GLG1: variants seen among roughly 807,000 people sequenced by gnomAD.
GLG1 encodes golgi glycoprotein 1, also known as Golgi apparatus protein 1.
A neutral mutation model predicts 160.5 loss-of-function variants in GLG1; 38 were observed. The ratio of observed to expected loss-of-function variants is 0.24; its 90% CI spans 0.18 to 0.31. The LOEUF (loss-of-function observed/expected upper bound fraction) is 0.31. Among genes scored for constraint, GLG1 ranks in the 10% least tolerant of loss-of-function variants. GLG1 has a pLI of 1.00. For missense variants in GLG1, 1,373 were observed against 1,505.2 expected (o/e 0.91, Z 1.45); for synonymous variants, 644 against 543.4 (o/e 1.19, Z -2.57).
chr16:74,520,180 AG>A (rs1468961060), intron 2 of GLG1, among the ~76,000 whole-genome samples: 2 of 152,148 alleles, frequency 1.3e-5, no homozygotes, highest in Non-Finnish European at 2.9e-5. Flanking sequence ...TGTTTCCATC[AG>A]GGACTGGCTA....
At chr16:74,537,363 A>C (rs2017714028) in intron 1 of GLG1, among the ~76,000 whole-genome samples, 1 of 152,166 alleles carries the variant, frequency 6.6e-6, no homozygotes, top group Non-Finnish European at 1.5e-5. Context: ...GTTAAAAAAC[A>C]AAACAAAAAA....
chr16:74,599,171 A>G (rs1255022463), intron 1 of GLG1, among the ~76,000 whole-genome samples: 2 of 152,094 alleles, frequency 1.3e-5, no homozygotes, highest in Non-Finnish European at 1.5e-5. Context: ...ATCTGCTGTA[A>G]TATTTTTATC....
At chr16:74,542,716 G>GGAAGGGAGGGAGGGA (rs752290157) in intron 1 of GLG1, among the ~76,000 whole-genome samples, 1 of 29,782 alleles carries the variant, frequency 3.4e-5, no homozygotes, top group African/African-American at 1.3e-4. Flanking sequence ...AAGGGAAGAA[G>GGAAGGGAGGGAGGGA]GGAAGGAAGG....
intron 2 of GLG1, among the ~76,000 whole-genome samples, 183 bp downstream of exon 2, chr16:74,531,938 C>A (rs1277330570): frequency 1.3e-5 from 2 of 152,088 alleles, no homozygotes; most frequent in Non-Finnish European, 2.9e-5. Context: ...TTGGGAGAAC[C>A]TGCAGGCTTC....
intron 4 of GLG1, among the ~76,000 whole-genome samples, chr16:74,502,402 A>G (rs11644298): frequency 0.14 from 21,379 of 152,242 alleles, 1,647 homozygotes; most frequent in Middle Eastern, 0.17. Context: ...TGTCTTTACT[A>G]AAATCAGTTC....
At chr16:74,576,423 T>C (rs1338946986) in intron 1 of GLG1, among the ~76,000 whole-genome samples, 3 of 152,176 alleles carry the variant, frequency 2.0e-5, no homozygotes, top group South Asian at 2.1e-4. Context: ...ATGTACATTA[T>C]ATATTATAGT....
intron 1 of GLG1, among the ~76,000 whole-genome samples, chr16:74,534,822 GTTAA>G (rs1198103576): frequency 6.6e-6 from 1 of 152,230 alleles, no homozygotes; most frequent in East Asian, 1.9e-4. Flanking sequence ...CACATTTGCA[GTTAA>G]TTGAGTCTCC....
At position 74,604,010 on chromosome 16, in the gene GLG1, G is replaced by C. The variant is rs1330812914; in HGVS notation, c.438+2647C>G. On this transcript the variant is annotated intron_variant, in intron 1 of 25. Transcript: ENST00000422840. The stretch of plus-strand genomic sequence containing the variant: ...AAAAAAAAAAAAAAAGAATCCCAAG[G>C]CCAGGCACAGTGGCTCACAACTCTA... 2.6e-5 allele frequency among the ~76,000 whole-genome samples: 4 copies of C among 151,340 alleles called. No individual in the cohort carries two copies. The Admixed American group carries it at 2.6e-4, about 10-fold the overall frequency.
At chr16:74,471,311 A>G in intron 14 of GLG1, 25 bp from the exon 15 acceptor site, 1 of 1,229,444 alleles carries the variant, frequency 8.1e-7, no homozygotes, top group Non-Finnish European at 1.2e-6. Flanking sequence ...ATGCATTTAC[A>G]CTTCATTGGT....
intron 1 of GLG1, among the ~76,000 whole-genome samples, chr16:74,576,137 C>T (rs2018996142): frequency 1.3e-5 from 2 of 151,838 alleles, no homozygotes; most frequent in East Asian, 1.9e-4. Flanking sequence ...GTGAAGGCGG[C>T]GGTGAGCTGA....
chr16:74,548,384 C>A, intron 1 of GLG1, among the ~76,000 whole-genome samples: 1 of 152,200 alleles, frequency 6.6e-6, no homozygotes, highest in Non-Finnish European at 1.5e-5. Flanking sequence ...ATCACAGAAC[C>A]TCTGTAGCCT....
intron 1 of GLG1, among the ~76,000 whole-genome samples, chr16:74,548,521 C>T (rs8050493): frequency 0.87 from 131,928 of 151,768 alleles, 57,541 homozygotes; most frequent in East Asian, 1. Context: ...CATATGTTAT[C>T]TGGTTGACAG....
chr16:74,570,677 C>T (rs977630435), intron 1 of GLG1, among the ~76,000 whole-genome samples: 2 of 152,132 alleles, frequency 1.3e-5, no homozygotes, highest in Non-Finnish European at 2.9e-5. Context: ...AGGAGCATCA[C>T]TTGAGATCAG....
chr16:74,548,635 G>A lies in GLG1; in HGVS notation c.439-16482C>T, dbSNP rs185227913. On this transcript the variant is annotated intron_variant, in intron 1 of 25. Coordinates refer to ENST00000422840, the MANE Select transcript of GLG1 (RefSeq NM_001145667.2). ...CGTGGACAATTTTTCAGGACTTTTA[G>A]CCTCAATTTAAATCTCAATTCTCTA... 3.0e-4 allele frequency among the ~76,000 whole-genome samples: 43 copies of A among 143,890 alleles called. No homozygotes were observed. In the South Asian group the frequency reaches 4.6e-3, roughly 15 times the overall value. The allele number at this position is 143,890 out of a possible 152,430, so 94.4% of individuals were successfully genotyped here.
chr16:74,542,427 G>A (rs192472527), intron 1 of GLG1, among the ~76,000 whole-genome samples: 3 of 152,122 alleles, frequency 2.0e-5, no homozygotes, highest in Admixed American at 6.6e-5. Flanking sequence ...CAGCACTTTC[G>A]GAGGCTGAGG....
intron 1 of GLG1, among the ~76,000 whole-genome samples, chr16:74,600,233 T>C (rs571960334): frequency 6.6e-6 from 1 of 152,088 alleles, no homozygotes; most frequent in African/African-American, 2.4e-5. Context: ...TCACGTATAT[T>C]TCCGCTTAGA....
chr16:74,589,264 A>G (rs1597376491), intron 1 of GLG1, among the ~76,000 whole-genome samples: 1 of 152,208 alleles, frequency 6.6e-6, no homozygotes, highest in East Asian at 1.9e-4. Context: ...CTCAAAAAAA[A>G]AAAAAGAACA....
At chr16:74,549,521 C>G (rs1483111278) in intron 1 of GLG1, among the ~76,000 whole-genome samples, 2 of 152,270 alleles carry the variant, frequency 1.3e-5, no homozygotes, top group East Asian at 3.9e-4. Flanking sequence ...CTCCTGACCT[C>G]GTGATCCGCC....
At chr16:74,474,294 G>C (rs1443315305) in intron 13 of GLG1, 3 of 396,416 alleles carry the variant, frequency 7.6e-6, no homozygotes, top group Admixed American at 7.3e-5. Context: ...CAAGTCTAAT[G>C]ACTATGATAA....
Sources: gnomAD v4.1 joint callset for allele counts (sites outside exome capture counted in the v4.1 genomes callset) on GRCh38, gnomAD v4.1.1 for gene constraint, MANE v1.5 for transcripts, NCBI Gene and HGNC (gene_info 2026-07-23, HGNC 2026-07-21) for gene names.